Variants in FBXO24 observed in about 807,000 individuals in gnomAD.
The protein encoded by FBXO24 is F-box protein 24, also known as F-box only protein 24.
In FBXO24, 30 loss-of-function variants were observed where a neutral mutation model predicts 63.5. That is an observed-to-expected ratio of 0.47 (90% confidence interval 0.35 to 0.64). FBXO24 has a LOEUF of 0.64. Among genes scored for constraint, FBXO24 ranks in the 30% least tolerant of loss-of-function variants. FBXO24 has a pLI of 0.00. For missense variants in FBXO24, 624 were observed against 763.4 expected (o/e 0.82, Z 2.15); for synonymous variants, 300 against 305.0 (o/e 0.98, Z 0.17).
At position 100,600,253 on chromosome 7, in the gene FBXO24, C is replaced by T; in HGVS notation, c.1377+52C>T. The stretch of plus-strand genomic sequence containing the variant: ...ACCCAGGGAGGATGAGAGCCATGAA[C>T]CAGGAAGCCCACAGGCTGTAGCTGG... On this transcript the variant is annotated intron_variant, in intron 9 of 9. Transcript: ENST00000241071. The surrounding 1 kb of genome is among the most constrained non-coding windows in gnomAD (Gnocchi z 6.3). The T allele has an allele frequency of 6.8e-7, 1 of 1,466,054 alleles. No homozygotes were observed. The highest frequency in any genetic ancestry group is 9.1e-7 in the Non-Finnish European group (1 of 1,104,538). The allele number at this position is 1,466,054 out of a possible 1,614,324, so 90.8% of individuals were successfully genotyped here. A position where few individuals can be genotyped will look rare whatever the true frequency, so the allele number is the denominator to read the frequency against.
At chr7:100,595,033 C>G (rs927650897) in intron 6 of FBXO24, 69 bp from the exon 7 acceptor site, 3 of 1,592,272 alleles carry the variant, frequency 1.9e-6, no homozygotes, top group Middle Eastern at 1.7e-4. Context: ...AGCTTTCATC[C>G]CAGGTGGGGC....
intron 7 of FBXO24, 25 bp downstream of exon 7, chr7:100,595,248 A>T (rs758957917): frequency 2.0e-5 from 33 of 1,613,900 alleles, no homozygotes; most frequent in Non-Finnish European, 2.8e-5. Context: ...GGACGGGGCA[A>T]ACCAGAGGGG....
At chr7:100,588,443 C>T (rs4352765) in intron 1 of FBXO24, among the ~76,000 whole-genome samples, 1 of 152,186 alleles carries the variant, frequency 6.6e-6, no homozygotes, top group African/African-American at 2.4e-5. Flanking sequence ...AAAATTCCAT[C>T]TCAGGCATCC....
Position 100,594,547 on chromosome 7 carries a change from G to A in FBXO24, c.952+6G>A. The A allele has an allele frequency of 3.2e-6, 5 of 1,577,104 alleles. No individual in the cohort carries two copies. The highest frequency in any genetic ancestry group is 4.3e-6 in the Non-Finnish European group (5 of 1,158,516). ...CAGCACCCTCTACGTCACAGGTATG[G>A]ACCACCTCCCCCCGGCTCAAGCCCG... On this transcript the variant is annotated splice_donor_region_variant and intron_variant, in intron 6 of 9. Transcript: ENST00000241071. This position sits in a 1 kb window ranked among gnomAD's most constrained non-coding sequence, Gnocchi z 4.2.
intron 4 of FBXO24, 53 bp downstream of exon 4, chr7:100,591,955 A>C: frequency 1.3e-6 from 2 of 1,565,428 alleles, no homozygotes; most frequent in Non-Finnish European, 1.8e-6. Context: ...GTCCATTTTC[A>C]CACTGCTATA....
chr7:100,600,763 C>A lies in FBXO24; in HGVS notation c.1607C>A (p.Thr536Lys). The A allele has an allele frequency of 1.9e-6, 3 of 1,613,974 alleles. No individual in the cohort carries two copies. Among genetic ancestry groups the A allele is most frequent in the Non-Finnish European group, 2.5e-6 (3 of 1,179,960 alleles). ...IHSCQTLQDR[T>K]EKMKEIVGWM... ...AGTTGCCAAACGTTGCAGGACCGCA[C>A]GGAGAAGATGAAGGAGATCGTAGGG... Residue 536 changes from threonine (T) to lysine (K), a missense_variant, in exon 10 of 10, where the codon ACG (threonine) becomes AAG (lysine). By Grantham distance (78) the Thr-to-Lys change is moderately conservative (BLOSUM62 -1). Transcript: ENST00000241071. This position sits in a 1 kb window ranked among gnomAD's most constrained non-coding sequence, Gnocchi z 6.3.
chr7:100,587,842 C>A (rs1385854305), intron 1 of FBXO24, among the ~76,000 whole-genome samples: 2 of 151,270 alleles, frequency 1.3e-5, no homozygotes, highest in Non-Finnish European at 3.0e-5. Flanking sequence ...CTCAAGCGAT[C>A]CTGCCTCTGC....
intron 3 of FBXO24, 151 bp from the exon 4 acceptor site, chr7:100,591,516 A>G: frequency 1.5e-6 from 1 of 662,912 alleles, no homozygotes; most frequent in Non-Finnish European, 2.6e-6. Flanking sequence ...CTTATTTTCC[A>G]CATCTCCTTC....
chr7:100,590,255 G>T lies in FBXO24; in HGVS notation c.220G>T (p.Asp74Tyr), dbSNP rs141073241. The change falls in exon 3 of 10, where the codon GAT (aspartate) becomes TAT (tyrosine). Residue 74 changes from aspartate to tyrosine, a missense_variant. Physicochemically the swap from Asp to Tyr is radical, Grantham distance 160. This residue lies in a region of FBXO24 where 391 missense variants were observed against 469.1 expected (regional missense o/e 0.83). Coordinates refer to ENST00000241071, the MANE Select transcript of FBXO24 (RefSeq NM_033506.3). ...QTCRYFHEVC[D>Y]GEGVWRRICR... ...CTGCCGCTACTTCCACGAAGTGTGC[G>T]ATGGGGAAGGCGTGTGGAGACGCAT... 9.3e-6 allele frequency: 15 copies of T among 1,614,066 alleles called. No homozygotes were observed. Among genetic ancestry groups the T allele is most frequent in the African/African-American group, 1.3e-5 (1 of 74,934 alleles).
At chr7:100,596,466 A>G (rs750917379) in intron 8 of FBXO24, among the ~76,000 whole-genome samples, 1 of 152,162 alleles carries the variant, frequency 6.6e-6, no homozygotes, top group East Asian at 1.9e-4. Flanking sequence ...ATGAGGTGGT[A>G]CAGGTGGGCA....
intron 1 of FBXO24, 197 bp from the exon 2 acceptor site, chr7:100,589,780 A>G (rs1238792909): frequency 3.3e-6 from 5 of 1,532,774 alleles, no homozygotes; most frequent in Non-Finnish European, 4.4e-6. Context: ...TGTGGACGGG[A>G]GGAGGGGCTC....
chr7:100,597,460 C>T (rs574463431), intron 8 of FBXO24, among the ~76,000 whole-genome samples: 11 of 152,130 alleles, frequency 7.2e-5, no homozygotes, highest in East Asian at 3.9e-4. Context: ...TGCAATGGCG[C>T]GATCTCGGCT....
Position 100,591,714 on chromosome 7 carries a change from C to T in FBXO24, c.370C>T (p.Leu124Phe). Residue 124 changes from leucine (L) to phenylalanine (F), a missense_variant, in exon 4 of 10, where the codon CTC (leucine) becomes TTC (phenylalanine). Leu to Phe is a conservative substitution (Grantham distance 22). Coordinates refer to ENST00000241071, the MANE Select transcript of FBXO24 (RefSeq NM_033506.3). ...FQAFGGRRRC[L>F]SKSVAPLLAH... ...GGCATTTGGAGGCCGCCGCCGATGT[C>T]TCAGCAAGAGCGTGGCCCCCTTGCT... 6.2e-7 allele frequency: 1 copy of T among 1,614,280 alleles called. No individual in the cohort carries two copies.
Position 100,586,490 on chromosome 7 carries a change from GGTGCCTAGTC to G in FBXO24, c.-135_-126del, listed in dbSNP as rs1801758571. 11 of 886,848 alleles carry G rather than the reference GGTGCCTAGTC, an allele frequency of 1.2e-5. No individual in the cohort carries two copies. Among genetic ancestry groups the G allele is most frequent in the Non-Finnish European group, 1.8e-6 (1 of 548,120 alleles). The allele number at this position is 886,848 out of a possible 1,614,324, so 54.9% of individuals were successfully genotyped here. A position where few individuals can be genotyped will look rare whatever the true frequency, so the allele number is the denominator to read the frequency against. ...ACGGGCCGAGGGACCGCAAGCAGGG[GGTGCCTAGTC>G]CTCGTCCCCCAAAGACCAATCGTAA... On this transcript the variant is annotated 5_prime_UTR_variant, in exon 1 of 10. The change abolishes the stop of an existing upstream ORF in the 5' untranslated region. Transcript: ENST00000241071.
chr7:100,586,740 G>A (rs756681920), intron 1 of FBXO24, 76 bp downstream of exon 1: 1 of 1,532,620 alleles, frequency 6.5e-7, no homozygotes, highest in Non-Finnish European at 9.0e-7. Context: ...GTTCGCCGCT[G>A]CAGTGGCGAG....
chr7:100,600,317 AC>A lies in FBXO24; in HGVS notation c.1377+118del. 1 of 1,361,106 alleles carries A rather than the reference AC, an allele frequency of 7.3e-7. No homozygotes were observed. Among genetic ancestry groups the A allele is most frequent in the Non-Finnish European group, 9.8e-7 (1 of 1,018,602 alleles). The allele number at this position is 1,361,106 out of a possible 1,614,324, so 84.3% of individuals were successfully genotyped here. On this transcript the variant is annotated intron_variant, in intron 9 of 9. Coordinates refer to ENST00000241071, the MANE Select transcript of FBXO24 (RefSeq NM_033506.3). The surrounding 1 kb of genome is among the most constrained non-coding windows in gnomAD (Gnocchi z 6.3). ...ACCCAGGGGGTCCCATTTCCCTAGC[AC>A]CACCCCACCTCCCTCCTCTGCCGCA... is the stretch of plus-strand genomic sequence containing the variant.
chr7:100,595,945 G>A (rs1275437953), intron 8 of FBXO24, among the ~76,000 whole-genome samples: 1 of 152,222 alleles, frequency 6.6e-6, no homozygotes, highest in Non-Finnish European at 1.5e-5. Context: ...GGGGTAGGGT[G>A]GGTGACCTGG....
At chr7:100,595,256 G>GGGT (rs754217556) in intron 7 of FBXO24, 33 bp downstream of exon 7, 1 of 1,613,952 alleles carries the variant, frequency 6.2e-7, no homozygotes, top group South Asian at 1.1e-5. Context: ...CAAACCAGAG[G>GGGT]GGTGGCGCTG....
rs556124134 is a variant in FBXO24 at position 100,600,256 on chromosome 7, G to C, written c.1377+55G>C. The C allele has an allele frequency of 7.4e-4, 1,082 of 1,465,478 alleles. 1 individual carries two copies. Among genetic ancestry groups the C allele is most frequent in the Non-Finnish European group, 9.2e-4 (1,013 of 1,104,434 alleles). 90.8% of individuals were successfully genotyped at this position (1,465,478 alleles called of 1,614,324 possible). On this transcript the variant is annotated intron_variant, in intron 9 of 9. Transcript: ENST00000241071. The surrounding 1 kb of genome is among the most constrained non-coding windows in gnomAD (Gnocchi z 6.3). ...CAGGGAGGATGAGAGCCATGAACCA[G>C]GAAGCCCACAGGCTGTAGCTGGGGC...
Sources: gnomAD v4.1 joint callset for allele counts (sites outside exome capture counted in the v4.1 genomes callset) on GRCh38, gnomAD v4.1.1 for gene constraint, gnomAD v4.1.1 regional missense constraint, Gnocchi (gnomAD v3.1) non-coding constraint, MANE v1.5 for transcripts, NCBI Gene and HGNC (gene_info 2026-07-23, HGNC 2026-07-21) for gene names.